Variants in FAM83B observed in about 807,000 individuals in gnomAD.
FAM83B encodes scaffolding CK1 anchoring protein B.
A neutral mutation model predicts 38.8 loss-of-function variants in FAM83B; 26 were observed. The ratio of observed to expected loss-of-function variants is 0.67; its 90% CI spans 0.49 to 0.93. The LOEUF (loss-of-function observed/expected upper bound fraction) is 0.93. FAM83B is among the 40% of genes least tolerant of loss of function. The pLI is 0.00. For synonymous variants in FAM83B, 419 were observed against 423.1 expected (o/e 0.99, Z 0.12); for missense variants, 1,237 against 1,197.3 (o/e 1.03, Z -0.49).
In FAM83B at chr6:54,943,824, T is replaced by C. The variant is rs1241390041; in HGVS notation, c.*1817T>C. The C allele has an allele frequency of 6.6e-6, 1 of 152,160 alleles. No homozygotes were observed. Among genetic ancestry groups the C allele is most frequent in the Non-Finnish European group, 1.5e-5 (1 of 68,024 alleles). The allele number at this position is 152,160 out of a possible 1,614,324, so 9.4% of individuals were successfully genotyped here. On this transcript the variant is annotated 3_prime_UTR_variant, in exon 5 of 5. Coordinates refer to ENST00000306858, the MANE Select transcript of FAM83B (RefSeq NM_001010872.3). ...GTGCAATGTAACTTTAAAACTGAAA[T>C]TATATAAAGAGTAGAAGTTTAATCA...
intron 4 of FAM83B, among the ~76,000 whole-genome samples, chr6:54,929,012 T>A (rs1773368441): frequency 6.6e-6 from 1 of 152,170 alleles, no homozygotes; most frequent in African/African-American, 2.4e-5. Context: ...AGTTACTATT[T>A]ATGATAGTAA....
At position 54,927,582 on chromosome 6, in the gene FAM83B, A is replaced by G; in HGVS notation, c.684A>G (p.Glu228=). 6.2e-7 allele frequency: 1 copy of G among 1,608,566 alleles called. No homozygotes were observed. ...KTGAKFHGKM[E]QKFLLVDCQK... ...GGGCAAAATTCCATGGAAAAATGGA[A>G]CAGAAATTTTTGTTAGTTGACTGCC... The change falls in exon 4 of 5, where the codon GAA becomes GAG. Residue 228 remains glutamate, a synonymous_variant. Coordinates refer to ENST00000306858, the MANE Select transcript of FAM83B (RefSeq NM_001010872.3).
chr6:54,934,316 G>C (rs913941597), intron 4 of FAM83B, among the ~76,000 whole-genome samples: 10 of 152,084 alleles, frequency 6.6e-5, no homozygotes, highest in African/African-American at 2.4e-4. Flanking sequence ...TTTGTTATGT[G>C]TTTATATTTA....
intron 1 of FAM83B, among the ~76,000 whole-genome samples, chr6:54,868,390 T>C (rs1353877561): frequency 6.6e-6 from 1 of 152,150 alleles, no homozygotes; most frequent in African/African-American, 2.4e-5. Context: ...ATCTTCCCTT[T>C]TGAGAACCAC....
intron 1 of FAM83B, among the ~76,000 whole-genome samples, chr6:54,853,090 CAGAGCA>C (rs1370847168): frequency 6.6e-6 from 1 of 152,160 alleles, no homozygotes; most frequent in Non-Finnish European, 1.5e-5. Flanking sequence ...AAGCCTAATC[CAGAGCA>C]AGACCTTAAC....
chr6:54,895,648 T>C (rs1262130791), intron 2 of FAM83B, among the ~76,000 whole-genome samples: 1 of 152,174 alleles, frequency 6.6e-6, no homozygotes, highest in Admixed American at 6.5e-5. Context: ...GTAGTATGTA[T>C]GTTGTATGTA....
intron 1 of FAM83B, among the ~76,000 whole-genome samples, chr6:54,859,444 A>G (rs1244884899): frequency 6.6e-6 from 1 of 152,206 alleles, no homozygotes; most frequent in Non-Finnish European, 1.5e-5. Context: ...ACCTTCAGTT[A>G]TTAAGGCAGT....
At chr6:54,913,489 G>A (rs762209828) in intron 2 of FAM83B, among the ~76,000 whole-genome samples, 17 of 151,908 alleles carry the variant, frequency 1.1e-4, no homozygotes, top group Non-Finnish European at 2.2e-4. Flanking sequence ...CTCTCAGTTT[G>A]CCCGAGTAGA....
At chr6:54,936,310 CT>C (rs1328092706) in intron 4 of FAM83B, among the ~76,000 whole-genome samples, 3 of 152,110 alleles carry the variant, frequency 2.0e-5, no homozygotes, top group African/African-American at 7.2e-5. Flanking sequence ...AACCTCAACA[CT>C]TGGAAGTTGT....
chr6:54,883,105 T>C (rs1314778765), intron 2 of FAM83B, among the ~76,000 whole-genome samples: 1 of 151,540 alleles, frequency 6.6e-6, no homozygotes, highest in African/African-American at 2.4e-5. Flanking sequence ...GCCCGGCTAA[T>C]TTTTTTGTTT....
At chr6:54,861,770 A>G (rs952920586) in intron 1 of FAM83B, among the ~76,000 whole-genome samples, 15 of 152,192 alleles carry the variant, frequency 9.9e-5, no homozygotes, top group African/African-American at 3.6e-4. Flanking sequence ...ACAGACGGGG[A>G]AAGAAGGGAG....
chr6:54,846,498 G>A (rs1581872175), upstream of FAM83B, among the ~76,000 whole-genome samples: 1 of 152,342 alleles, frequency 6.6e-6, no homozygotes, highest in Non-Finnish European at 1.5e-5. Flanking sequence ...AGGGCGGGCA[G>A]GAAAGAAAGG....
At chr6:54,920,355 T>G (rs562393167) in intron 2 of FAM83B, among the ~76,000 whole-genome samples, 1 of 151,716 alleles carries the variant, frequency 6.6e-6, no homozygotes, top group Non-Finnish European at 1.5e-5. Context: ...AAATTAGAAC[T>G]CCCTATGAGT....
intron 2 of FAM83B, among the ~76,000 whole-genome samples, chr6:54,905,847 A>C (rs1253640837): frequency 6.6e-6 from 1 of 151,968 alleles, no homozygotes; most frequent in South Asian, 2.1e-4. Flanking sequence ...TTATATTATG[A>C]ATTCTCCATT....
At chr6:54,860,043 T>TTGTGTGTGTG (rs61235878) in intron 1 of FAM83B, among the ~76,000 whole-genome samples, 1 of 150,606 alleles carries the variant, frequency 6.6e-6, no homozygotes, top group African/African-American at 2.4e-5. Flanking sequence ...ACCACCCTCA[T>TTGTGTGTGTG]TGTGTGTGTG....
At chr6:54,887,400 T>C (rs1375698327) in intron 2 of FAM83B, among the ~76,000 whole-genome samples, 3 of 152,346 alleles carry the variant, frequency 2.0e-5, no homozygotes, top group African/African-American at 7.2e-5. Context: ...ACAGAGGTCC[T>C]GGAACTGGAA....
At position 54,870,309 on chromosome 6, in the gene FAM83B, G is replaced by A. The variant is rs1428698578; in HGVS notation, c.63G>A (p.Glu21=). 3 of 1,613,884 alleles carry A rather than the reference G, an allele frequency of 1.9e-6. No homozygotes were observed. Among genetic ancestry groups the A allele is most frequent in the Admixed American group, 1.7e-5 (1 of 59,982 alleles). Residue 21 remains glutamate, a synonymous_variant, in exon 2 of 5, where the codon GAG becomes GAA. Transcript: ENST00000306858. The part of the protein sequence containing the change: ...NDECKSDNYI[E]PHYKEWYRVA... ...AGTGTAAATCTGACAACTACATTGAGCCTCACTACAAGGAATGGTATCGAG... is the reference window on the plus strand; with the variant it reads ...AGTGTAAATCTGACAACTACATTGAACCTCACTACAAGGAATGGTATCGAG...
chr6:54,926,002 T>C (rs9464165), intron 2 of FAM83B, among the ~76,000 whole-genome samples: 8,236 of 152,236 alleles, frequency 0.054, 759 homozygotes, highest in African/African-American at 0.19. Flanking sequence ...AAATCCTACT[T>C]TCCCCTGGAA....
chr6:54,922,676 T>A (rs952025311), intron 2 of FAM83B, among the ~76,000 whole-genome samples: 1 of 152,078 alleles, frequency 6.6e-6, no homozygotes, highest in Non-Finnish European at 1.5e-5. Context: ...GATTGGAGTA[T>A]GTTTCACAGG....
Sources: allele counts gnomAD v4.1 joint callset (sites outside exome capture counted in the v4.1 genomes callset), GRCh38; gene constraint gnomAD v4.1.1; transcripts MANE v1.5; gene names NCBI Gene and HGNC (gene_info 2026-07-23, HGNC 2026-07-21).